Variants in SIRT5 observed in about 807,000 individuals in gnomAD.
SIRT5 encodes the protein sirtuin 5.
A neutral mutation model predicts 40.0 loss-of-function variants in SIRT5; 26 were observed. That is an observed-to-expected ratio of 0.65 (90% CI 0.48 to 0.90). The LOEUF (loss-of-function observed/expected upper bound fraction) is 0.90, where lower values mean the gene tolerates loss of function less well. Ranked by LOEUF, SIRT5 falls within the 40% of genes least tolerant of loss-of-function variation. SIRT5 has a pLI of 0.00. For synonymous variants in SIRT5, 146 were observed against 149.1 expected (o/e 0.98, Z 0.15); for missense variants, 401 against 402.4 (o/e 1.00, Z 0.03).
At chr6:13,594,236 AT>A (rs1360644671) in intron 5 of SIRT5, among the ~76,000 whole-genome samples, 1 of 152,232 alleles carries the variant, frequency 6.6e-6, no homozygotes. Context: ...CTGTGCAAGC[AT>A]GATGATGATG....
At chr6:13,578,858 G>C (rs967475512) in intron 1 of SIRT5, among the ~76,000 whole-genome samples, 2 of 151,888 alleles carry the variant, frequency 1.3e-5, no homozygotes, top group African/African-American at 4.8e-5. Flanking sequence ...TCATGAAAAG[G>C]CATCGTTAAA....
chr6:13,605,130 T>C (rs1762931697), intron 9 of SIRT5: 1 of 985,396 alleles, frequency 1.0e-6, no homozygotes, highest in Admixed American at 6.1e-5. Flanking sequence ...GAATTGTATA[T>C]CTCGTGCTTA....
intron 1 of SIRT5, 60 bp downstream of exon 1, chr6:13,574,804 G>C (rs551026172): frequency 1.3e-5 from 2 of 152,532 alleles, no homozygotes; most frequent in Admixed American, 1.3e-4. Flanking sequence ...GGATGGAAAC[G>C]GGGTTGGAAA....
intron 4 of SIRT5, among the ~76,000 whole-genome samples, chr6:13,590,440 G>A (rs2127651377): frequency 6.6e-6 from 1 of 152,178 alleles, no homozygotes; most frequent in East Asian, 1.9e-4. Context: ...TGTGTGTTTA[G>A]TTGTGTGTGT....
At chr6:13,608,319 C>T (rs941885222) in intron 9 of SIRT5, among the ~76,000 whole-genome samples, 2 of 152,168 alleles carry the variant, frequency 1.3e-5, no homozygotes, top group Admixed American at 6.5e-5. Flanking sequence ...GGTACAATGG[C>T]TTATGCCTGT....
At chr6:13,595,413 A>T in intron 5 of SIRT5, 64 bp from the exon 6 acceptor site, 1 of 1,219,934 alleles carries the variant, frequency 8.2e-7, no homozygotes, top group Non-Finnish European at 1.2e-6. Flanking sequence ...ATACCCTTTT[A>T]GACATGGAGA....
chr6:13,576,503 G>A (rs903672316), intron 1 of SIRT5, among the ~76,000 whole-genome samples: 5 of 152,044 alleles, frequency 3.3e-5, no homozygotes, highest in Admixed American at 2.6e-4. Context: ...CGGGTTATTC[G>A]TTTTGTTTTG....
chr6:13,593,578 T>A (rs1761210771), intron 5 of SIRT5, among the ~76,000 whole-genome samples: 1 of 152,192 alleles, frequency 6.6e-6, no homozygotes, highest in African/African-American at 2.4e-5. Context: ...CAGGACTTTT[T>A]AAAATTTCAA....
At chr6:13,601,018 T>A in intron 9 of SIRT5, 69 bp downstream of exon 9, 12 of 1,166,390 alleles carry the variant, frequency 1.0e-5, no homozygotes, top group Non-Finnish European at 1.4e-5. Context: ...CTAAACATAG[T>A]TGACCTACTC....
Position 13,584,194 on chromosome 6 carries a change from G to C in SIRT5, c.84G>C (p.Gln28His), listed in dbSNP as rs1341934892. The change falls in exon 3 of 10, where the codon CAG becomes CAC. Residue 28 changes from glutamine (Q) to histidine (H), a missense_variant. Gln to His is a conservative substitution (Grantham distance 24). Coordinates refer to ENST00000606117, the MANE Select transcript of SIRT5 (RefSeq NM_012241.5). ...AGCCTCCAGCGTCCACACGAAACCA[G>C]ATTTGCCTGAAAATGGCTCGGCCAA... ...GLKPPASTRNQICLKMARPSS... is the reference protein window; with the variant it reads ...GLKPPASTRNHICLKMARPSS... 2 of 1,614,110 alleles carry C rather than the reference G, an allele frequency of 1.2e-6. No individual in the cohort carries two copies. The highest frequency in any genetic ancestry group is 2.2e-5 in the East Asian group (1 of 44,880).
chr6:13,610,802 T>A (rs921619777), intron 9 of SIRT5, among the ~76,000 whole-genome samples: 6 of 152,100 alleles, frequency 3.9e-5, no homozygotes, highest in Non-Finnish European at 8.8e-5. Flanking sequence ...GGGCTGTCCA[T>A]TAAGTGGCAC....
At chr6:13,611,744 G>GAA (rs1763960927) in intron 9 of SIRT5, 46 bp from the exon 10 acceptor site, 2 of 1,393,024 alleles carry the variant, frequency 1.4e-6, no homozygotes, top group African/African-American at 2.8e-5. Flanking sequence ...CATTCATTTT[G>GAA]CTAACCTGTA....
rs964018390 is a variant in SIRT5, at chr6:13,614,108, G to A, written c.*2243G>A. 7 of 152,320 alleles carry A rather than the reference G, an allele frequency of 4.6e-5. No individual in the cohort carries two copies. Among genetic ancestry groups the A allele is most frequent in the Middle Eastern group, 3.4e-3 (1 of 294 alleles). 9.4% of individuals were successfully genotyped at this position (152,320 alleles called of 1,614,324 possible). On this transcript the variant is annotated 3_prime_UTR_variant, in exon 10 of 10. Coordinates refer to ENST00000606117, the MANE Select transcript of SIRT5 (RefSeq NM_012241.5). ...AAAAATACAATATATGTGTAAGATA[G>A]AATTATTCAACTTAGCATTTATTAA...
intron 5 of SIRT5, among the ~76,000 whole-genome samples, chr6:13,592,872 C>T: frequency 8.9e-6 from 1 of 111,982 alleles, no homozygotes. Flanking sequence ...GAATGCATTT[C>T]TTATTTTTTA....
At chr6:13,587,328 C>A (rs574270347) in intron 3 of SIRT5, among the ~76,000 whole-genome samples, 2 of 152,298 alleles carry the variant, frequency 1.3e-5, no homozygotes, top group East Asian at 3.9e-4. Flanking sequence ...GCTTACCTTA[C>A]AAGGGCCTGC....
At chr6:13,600,402 A>T (rs1762218331) in intron 8 of SIRT5, among the ~76,000 whole-genome samples, 1 of 152,250 alleles carries the variant, frequency 6.6e-6, no homozygotes, top group Non-Finnish European at 1.5e-5. Context: ...AAGAGGACAT[A>T]CATGAAAATG....
At chr6:13,580,496 C>A (rs796855754) in intron 2 of SIRT5, among the ~76,000 whole-genome samples, 1 of 152,138 alleles carries the variant, frequency 6.6e-6, no homozygotes, top group Non-Finnish European at 1.5e-5. Context: ...ATTTCTGTAC[C>A]AACAGTTTTG....
intron 9 of SIRT5, among the ~76,000 whole-genome samples, chr6:13,601,682 A>G (rs966849953): frequency 6.6e-6 from 1 of 152,116 alleles, no homozygotes; most frequent in African/African-American, 2.4e-5. Context: ...CCTTGGCTGC[A>G]TATTTTAAAA....
At position 13,608,204 on chromosome 6, in the gene SIRT5, T is replaced by C. The variant is rs112175347; in HGVS notation, c.858-3586T>C. On this transcript the variant is annotated intron_variant, in intron 9 of 9. Transcript: ENST00000606117. Reference sequence around the variant, plus strand: ...AGCCCTTCCTTAACAATTGGAAACTTTGCATTTTTTCTTTTCTCTTTGAAC... The same window carrying C: ...AGCCCTTCCTTAACAATTGGAAACTCTGCATTTTTTCTTTTCTCTTTGAAC... Among the ~76,000 whole-genome samples the C allele has an allele frequency of 3.3e-3, 499 of 152,344 alleles. 5 individuals carry two copies. The highest frequency in any genetic ancestry group is 0.011 in the African/African-American group (456 of 41,570).
Sources: gnomAD v4.1 joint callset for allele counts (sites outside exome capture counted in the v4.1 genomes callset) on GRCh38, gnomAD v4.1.1 for gene constraint, MANE v1.5 for transcripts, NCBI Gene and HGNC (gene_info 2026-07-23, HGNC 2026-07-21) for gene names.